The following PNLIPRP3 variants were observed in gnomAD, a reference collection of about 807,000 sequenced individuals.
PNLIPRP3 encodes pancreatic lipase related protein 3, also known as pancreatic lipase-related protein 3.
Under a neutral mutation model 52.8 loss-of-function variants are expected in PNLIPRP3, and 58 were observed. The ratio of observed to expected loss-of-function variants is 1.10; its 90% CI spans 0.89 to 1.37. The LOEUF (loss-of-function observed/expected upper bound fraction) is 1.37, where lower values mean the gene tolerates loss of function less well. PNLIPRP3 is among the 40% of genes most tolerant of loss of function. PNLIPRP3 has a pLI of 0.00. For synonymous variants in PNLIPRP3, 192 were observed against 185.0 expected (o/e 1.04, Z -0.31); for missense variants, 593 against 561.6 (o/e 1.06, Z -0.57).
intron 3 of PNLIPRP3, among the ~76,000 whole-genome samples, chr10:116,443,882 G>A (rs1331200206): frequency 6.9e-6 from 1 of 145,198 alleles, no homozygotes; most frequent in East Asian, 2.1e-4. Flanking sequence ...TTAGGACAGA[G>A]CTTAGCCTGT....
chr10:116,461,292 T>A lies in PNLIPRP3; in HGVS notation c.808+2T>A. On this transcript the variant is annotated splice_donor_variant, in intron 7 of 11. Coordinates refer to ENST00000369230, the MANE Select transcript of PNLIPRP3 (RefSeq NM_001011709.3). LOFTEE classifies it high-confidence loss of function. Reference sequence around the variant, plus strand: ...TTAACTTCAATGCTTACAAAAAAGGTAAATACTTTCTAAACTATGAATGCT... The same window carrying A: ...TTAACTTCAATGCTTACAAAAAAGGAAAATACTTTCTAAACTATGAATGCT... 1 of 1,611,212 alleles carries A rather than the reference T, an allele frequency of 6.2e-7. No homozygotes were observed. Among genetic ancestry groups the A allele is most frequent in the Non-Finnish European group, 8.5e-7 (1 of 1,177,444 alleles).
intron 9 of PNLIPRP3, among the ~76,000 whole-genome samples, chr10:116,469,588 A>G (rs1368227896): frequency 6.6e-6 from 1 of 152,226 alleles, no homozygotes; most frequent in Non-Finnish European, 1.5e-5. Flanking sequence ...TTCGAGGAAA[A>G]GAGATTTCTA....
intron 4 of PNLIPRP3, among the ~76,000 whole-genome samples, chr10:116,447,649 T>G (rs1351457251): frequency 6.6e-6 from 1 of 152,124 alleles, no homozygotes; most frequent in Non-Finnish European, 1.5e-5. Flanking sequence ...AATATAATAA[T>G]TGAAGGCTGA....
rs1845732137 is a variant in PNLIPRP3, at chr10:116,433,193, C to T, written c.50-3518C>T. Among the ~76,000 whole-genome samples, 3 of 137,622 alleles carry T rather than the reference C, an allele frequency of 2.2e-5. No individual in the cohort carries two copies. In the Admixed American group the frequency reaches 2.2e-4, roughly 10 times the overall value. The allele number at this position is 137,622 out of a possible 152,430, so 90.3% of individuals were successfully genotyped here. ...TTCCAAACAAAACAAAACCCCAAAGCCACTAAGCAAAAGCCTGATAATTTT... is the reference window on the plus strand; with the variant it reads ...TTCCAAACAAAACAAAACCCCAAAGTCACTAAGCAAAAGCCTGATAATTTT... On this transcript the variant is annotated intron_variant, in intron 1 of 11. Coordinates refer to ENST00000369230, the MANE Select transcript of PNLIPRP3 (RefSeq NM_001011709.3).
intron 4 of PNLIPRP3, among the ~76,000 whole-genome samples, chr10:116,447,242 C>T (rs987716436): frequency 6.6e-6 from 1 of 152,138 alleles, no homozygotes; most frequent in African/African-American, 2.4e-5. Context: ...ATTCTAGATG[C>T]TTGAGGGCTG....
intron 1 of PNLIPRP3, 93 bp downstream of exon 1, chr10:116,428,154 C>G (rs1565738737): frequency 1.1e-6 from 1 of 891,648 alleles, no homozygotes; most frequent in Non-Finnish European, 1.7e-6. Context: ...TTAGAAATTA[C>G]TATTGCTAAT....
chr10:116,443,283 A>T (rs575920639), intron 3 of PNLIPRP3, 109 bp downstream of exon 3: 2 of 1,161,026 alleles, frequency 1.7e-6, no homozygotes, highest in African/African-American at 1.6e-5. Flanking sequence ...CCATTCAGTT[A>T]TCCACAATTA....
At chr10:116,457,847 A>G (rs1182427906) in intron 5 of PNLIPRP3, among the ~76,000 whole-genome samples, 1 of 152,186 alleles carries the variant, frequency 6.6e-6, no homozygotes, top group Non-Finnish European at 1.5e-5. Context: ...AGTTTTTCCC[A>G]TCAGGTGAAT....
intron 2 of PNLIPRP3, among the ~76,000 whole-genome samples, chr10:116,440,871 T>C (rs549910447): frequency 2.0e-5 from 3 of 152,346 alleles, no homozygotes; most frequent in African/African-American, 4.8e-5. Flanking sequence ...AACTGGTAAC[T>C]ATTTTTTACT....
At chr10:116,440,977 G>A (rs1431427856) in intron 2 of PNLIPRP3, among the ~76,000 whole-genome samples, 2 of 152,108 alleles carry the variant, frequency 1.3e-5, no homozygotes, top group East Asian at 1.9e-4. Flanking sequence ...ATGCTAAAAG[G>A]CCCAGATAAA....
chr10:116,458,797 G>A (rs7923775), intron 5 of PNLIPRP3, among the ~76,000 whole-genome samples: 19,708 of 151,902 alleles, frequency 0.13, 2,249 homozygotes, highest in African/African-American at 0.31. Context: ...GTGCTGAAAC[G>A]AACCCCTTCC....
intron 2 of PNLIPRP3, among the ~76,000 whole-genome samples, chr10:116,441,118 T>C (rs1589977171): frequency 6.6e-6 from 1 of 152,052 alleles, no homozygotes; most frequent in South Asian, 2.1e-4. Flanking sequence ...GTGTATGGAG[T>C]TTCCCACATT....
intron 2 of PNLIPRP3, chr10:116,439,547 G>T: frequency 1.2e-6 from 1 of 838,112 alleles, no homozygotes; most frequent in Non-Finnish European, 2.0e-6. Flanking sequence ...GACGCTTTGC[G>T]CCATCAAACT....
At chr10:116,459,074 G>A (rs1451675347) in intron 5 of PNLIPRP3, among the ~76,000 whole-genome samples, 1 of 152,034 alleles carries the variant, frequency 6.6e-6, no homozygotes, top group Non-Finnish European at 1.5e-5. Context: ...CCTTGCTGAA[G>A]TGCTCCCTTC....
chr10:116,439,522 G>T (rs745587211), intron 2 of PNLIPRP3: 3 of 791,236 alleles, frequency 3.8e-6, no homozygotes, highest in Admixed American at 1.9e-5. Flanking sequence ...ACTTTTTTCC[G>T]GGCAACTTTA....
chr10:116,452,107 C>A (rs948922321), intron 4 of PNLIPRP3, among the ~76,000 whole-genome samples: 1 of 152,122 alleles, frequency 6.6e-6, no homozygotes, highest in African/African-American at 2.4e-5. Flanking sequence ...TAAGGGTCAC[C>A]CATGTTACAC....
chr10:116,475,636 A>G (rs1398144006), intron 10 of PNLIPRP3, among the ~76,000 whole-genome samples: 5 of 152,250 alleles, frequency 3.3e-5, no homozygotes, highest in Non-Finnish European at 7.3e-5. Context: ...AGCAATATTC[A>G]TTCGTTAATT....
chr10:116,450,994 C>T (rs749671086), intron 4 of PNLIPRP3, among the ~76,000 whole-genome samples: 3 of 151,922 alleles, frequency 2.0e-5, no homozygotes, highest in South Asian at 2.1e-4. Flanking sequence ...AAAACAATCT[C>T]GAGAAAGAAG....
chr10:116,449,316 A>G (rs1257826862), intron 4 of PNLIPRP3, among the ~76,000 whole-genome samples: 1 of 152,250 alleles, frequency 6.6e-6, no homozygotes, highest in Non-Finnish European at 1.5e-5. Flanking sequence ...ATAGTTTTGA[A>G]AAGATTTAAC....
Sources: gnomAD v4.1 joint callset for allele counts (sites outside exome capture counted in the v4.1 genomes callset) on GRCh38, gnomAD v4.1.1 for gene constraint, MANE v1.5 for transcripts, NCBI Gene and HGNC (gene_info 2026-07-23, HGNC 2026-07-21) for gene names.